The following CDC42 variants were observed in gnomAD, a reference collection of about 807,000 sequenced individuals.
The protein encoded by CDC42 is cell division cycle 42.
Under a neutral mutation model 20.8 loss-of-function variants are expected in CDC42, and 1 was observed. The ratio of observed to expected loss-of-function variants is 0.05; its 90% CI spans 0.02 to 0.23. CDC42 has a LOEUF of 0.23. Ranked by LOEUF, CDC42 falls within the 10% of genes least tolerant of loss-of-function variation. The probability of loss-of-function intolerance (pLI) is 1.00; values close to 1 mark genes in which losing one functional copy is unlikely to be tolerated. For synonymous variants in CDC42, 72 were observed against 84.8 expected, an observed-to-expected ratio of 0.85 and a Z score of 0.83; for missense variants, 49 against 227.9, an observed-to-expected ratio of 0.21 and a Z score of 5.05.
intron 1 of CDC42, chr1:22,068,270 A>G (rs1348510686): frequency 6.5e-6 from 1 of 153,192 alleles, no homozygotes; most frequent in Non-Finnish European, 1.5e-5. Flanking sequence ...GCACCATCAG[A>G]ACTAGTTACA....
At chr1:22,073,280 T>G (rs1010959427) in intron 1 of CDC42, among the ~76,000 whole-genome samples, 1 of 152,224 alleles carries the variant, frequency 6.6e-6, no homozygotes, top group African/African-American at 2.4e-5. Flanking sequence ...CTCGTGCCTG[T>G]AATCCCAGCA....
At chr1:22,069,170 C>CTTTT (rs71724070) in intron 1 of CDC42, among the ~76,000 whole-genome samples, 4 of 80,814 alleles carry the variant, frequency 4.9e-5, no homozygotes, top group Non-Finnish European at 9.0e-5. Context: ...CATTTTATTC[C>CTTTT]TTTTTTTTTT....
intron 5 of CDC42, among the ~76,000 whole-genome samples, chr1:22,087,162 C>G (rs1464323367): frequency 2.0e-5 from 3 of 151,842 alleles, no homozygotes; most frequent in African/African-American, 4.8e-5. Context: ...CATAAACTTG[C>G]AAGAGACGAT....
intron 3 of CDC42, among the ~76,000 whole-genome samples, chr1:22,085,730 T>A (rs1645655240): frequency 6.6e-6 from 1 of 152,214 alleles, no homozygotes; most frequent in Non-Finnish European, 1.5e-5. Context: ...GATACCGGTC[T>A]TATATACACG....
chr1:22,059,397 A>G (rs1465307777), intron 1 of CDC42: 2 of 152,206 alleles, frequency 1.3e-5, no homozygotes, highest in Non-Finnish European at 2.9e-5. Flanking sequence ...CATTATGAAA[A>G]CTTAGGTGAA....
intron 1 of CDC42, among the ~76,000 whole-genome samples, chr1:22,064,769 G>C (rs2473320): frequency 0.95 from 143,537 of 151,738 alleles, 67,984 homozygotes; most frequent in East Asian, 1. Flanking sequence ...CTCTGCCTCC[G>C]GGGTTCAAGC....
chr1:22,084,614 G>A (rs978202235), intron 3 of CDC42, among the ~76,000 whole-genome samples: 1 of 151,340 alleles, frequency 6.6e-6, no homozygotes, highest in Admixed American at 6.6e-5. Context: ...CTATTTTGTG[G>A]GTTGCGTTTT....
chr1:22,066,053 C>T (rs78081754), intron 1 of CDC42, among the ~76,000 whole-genome samples: 52 of 152,188 alleles, frequency 3.4e-4, no homozygotes, highest in Non-Finnish European at 6.3e-4. Flanking sequence ...TGTGCCTGGG[C>T]GTTTTTTTCA....
chr1:22,067,425 T>C (rs1028996069), intron 1 of CDC42, among the ~76,000 whole-genome samples: 2 of 152,202 alleles, frequency 1.3e-5, no homozygotes, highest in Admixed American at 1.3e-4. Context: ...AAGTTCGCTT[T>C]GGTGCTCTCA....
chr1:22,056,132 A>G (rs983040857), intron 1 of CDC42, among the ~76,000 whole-genome samples: 1 of 152,234 alleles, frequency 6.6e-6, no homozygotes, highest in Non-Finnish European at 1.5e-5. Flanking sequence ...TGCCTAGAAT[A>G]CTGCCATACA....
At chr1:22,071,421 CAA>C in intron 1 of CDC42, among the ~76,000 whole-genome samples, 1 of 152,262 alleles carries the variant, frequency 6.6e-6, no homozygotes, top group Middle Eastern at 3.4e-3. Flanking sequence ...TAGAAGCAAA[CAA>C]GAAGTTCTGC....
intron 2 of CDC42, among the ~76,000 whole-genome samples, chr1:22,080,958 C>T (rs911108078): frequency 1.3e-5 from 2 of 152,128 alleles, no homozygotes; most frequent in African/African-American, 4.8e-5. Context: ...ATCATGAGGT[C>T]AGGAGTTTGA....
In CDC42 at chr1:22,078,462, A is replaced by T. The variant is rs1645574574; in HGVS notation, c.-17A>T. On this transcript the variant is annotated 5_prime_UTR_variant, in exon 2 of 6. Coordinates refer to ENST00000656825, the MANE Select transcript of CDC42 (RefSeq NM_001791.4). Reference sequence around the variant, plus strand: ...CAGATTTGAAATATTTAAAGTGGATACAAAACTATTTCAGCAATGCAGACA... The same window carrying T: ...CAGATTTGAAATATTTAAAGTGGATTCAAAACTATTTCAGCAATGCAGACA... 1 of 1,569,650 alleles carries T rather than the reference A, an allele frequency of 6.4e-7. No individual in the cohort carries two copies. The highest frequency in any genetic ancestry group is 8.7e-7 in the Non-Finnish European group (1 of 1,147,082).
At chr1:22,060,395 G>T (rs1339226642) in intron 1 of CDC42, among the ~76,000 whole-genome samples, 1 of 152,088 alleles carries the variant, frequency 6.6e-6, no homozygotes, top group Non-Finnish European at 1.5e-5. Context: ...AGGAGGAGAG[G>T]TGTCTGAGAA....
chr1:22,082,372 A>G (rs529316756), intron 3 of CDC42, among the ~76,000 whole-genome samples: 4 of 152,346 alleles, frequency 2.6e-5, no homozygotes, highest in African/African-American at 9.6e-5. Context: ...TTGAGAGTGA[A>G]CTATTATCTG....
Position 22,073,842 on chromosome 1 carries a change from G to A in CDC42, c.-50-4587G>A, listed in dbSNP as rs533680172. On this transcript the variant is annotated intron_variant, in intron 1 of 5. Coordinates refer to ENST00000656825, the MANE Select transcript of CDC42 (RefSeq NM_001791.4). ...CTAATTTTTTTTTTTGTAGAGATGGGGTCTCACTCTGTTTCCCAGGCTGGT... is the reference window on the plus strand; with the variant it reads ...CTAATTTTTTTTTTTGTAGAGATGGAGTCTCACTCTGTTTCCCAGGCTGGT... Among the ~76,000 whole-genome samples the A allele has an allele frequency of 1.9e-3, 291 of 151,636 alleles. 4 individuals carry two copies. The highest frequency in any genetic ancestry group is 6.8e-3 in the Middle Eastern group (2 of 292).
chr1:22,091,107 G>A (rs1461050310), intron 5 of CDC42, among the ~76,000 whole-genome samples: 1 of 152,194 alleles, frequency 6.6e-6, no homozygotes, highest in African/African-American at 2.4e-5. Context: ...TGTTTCAGCA[G>A]CACATTACAA....
At chr1:22,085,839 C>T (rs565035764) in intron 3 of CDC42, among the ~76,000 whole-genome samples, 2 of 151,988 alleles carry the variant, frequency 1.3e-5, no homozygotes, top group Non-Finnish European at 2.9e-5. Context: ...GATGATTTCA[C>T]TGTGATTGTT....
At chr1:22,089,856 C>T in intron 5 of CDC42, 1 of 1,301,086 alleles carries the variant, frequency 7.7e-7, no homozygotes, top group South Asian at 1.4e-5. Context: ...GAATTCAGCT[C>T]ATTTAATCCG....
Sources: gnomAD v4.1 joint callset for allele counts (sites outside exome capture counted in the v4.1 genomes callset) on GRCh38, gnomAD v4.1.1 for gene constraint, MANE v1.5 for transcripts, NCBI Gene and HGNC (gene_info 2026-07-23, HGNC 2026-07-21) for gene names.